Variants in CALD1 observed in about 807,000 individuals in gnomAD.
CALD1 encodes the protein caldesmon.
In CALD1, 33 loss-of-function variants were observed where a neutral mutation model predicts 99.9. The observed-to-expected ratio is 0.33, with a 90% CI of 0.25 to 0.44. CALD1 has a LOEUF of 0.44. Among genes scored for constraint, CALD1 ranks in the 20% least tolerant of loss-of-function variants. The probability of loss-of-function intolerance (pLI) is 1.00; values close to 1 mark genes in which losing one functional copy is unlikely to be tolerated. For missense variants in CALD1, 861 were observed against 962.1 expected (o/e 0.89, Z 1.39); for synonymous variants, 310 against 325.0 (o/e 0.95, Z 0.50).
At chr7:134,818,016 T>G (rs911129886) in intron 1 of CALD1, among the ~76,000 whole-genome samples, 2 of 152,220 alleles carry the variant, frequency 1.3e-5, no homozygotes, top group Admixed American at 1.3e-4. Context: ...TCTTTTTCTT[T>G]ATTTCTTGGT....
the CALD1 span, among the ~76,000 whole-genome samples, chr7:134,729,224 G>A: frequency 6.6e-6 from 1 of 152,150 alleles, no homozygotes; most frequent in Non-Finnish European, 1.5e-5. Flanking sequence ...GCACTACAGA[G>A]TGCTTCCTGC....
At chr7:134,757,993 A>G (rs1796744153) in intron 1 of CALD1, among the ~76,000 whole-genome samples, 1 of 152,220 alleles carries the variant, frequency 6.6e-6, no homozygotes, top group African/African-American at 2.4e-5. Flanking sequence ...CATCTATTTG[A>G]TGACAATGCA....
At chr7:134,893,401 A>T (rs1373638456) in intron 3 of CALD1, among the ~76,000 whole-genome samples, 1 of 152,210 alleles carries the variant, frequency 6.6e-6, no homozygotes, top group Non-Finnish European at 1.5e-5. Context: ...AATGTTAAAA[A>T]CATTGTGGGG....
At chr7:134,755,434 G>T (rs1310335374) in intron 1 of CALD1, among the ~76,000 whole-genome samples, 1 of 152,082 alleles carries the variant, frequency 6.6e-6, no homozygotes, top group Non-Finnish European at 1.5e-5. Context: ...AAGTAAGATT[G>T]AACATTTTTG....
rs1449685102 is a variant in CALD1, at chr7:134,928,612, A to T, written c.72-142A>T. 5 of 650,974 alleles carry T rather than the reference A, an allele frequency of 7.7e-6. No homozygotes were observed. In the Admixed American group the frequency reaches 1.8e-4, roughly 23 times the overall value. 40.3% of individuals were successfully genotyped at this position (650,974 alleles called of 1,614,324 possible). On this transcript the variant is annotated intron_variant, in intron 3 of 14. Transcript: ENST00000361675. Reference sequence around the variant, plus strand: ...CTAGCTGACTAGGTCGCTAAACTTAAGGAACTGAACCATCCTTTTAGACGT... The same window carrying T: ...CTAGCTGACTAGGTCGCTAAACTTATGGAACTGAACCATCCTTTTAGACGT...
At chr7:134,723,534 C>CTTTT in the CALD1 span, among the ~76,000 whole-genome samples, 5 of 87,670 alleles carry the variant, frequency 5.7e-5, no homozygotes, top group Non-Finnish European at 1.0e-4. Context: ...GAAAAGGTAA[C>CTTTT]TTTTTTTTTT....
chr7:134,711,764 A>G, the CALD1 span, among the ~76,000 whole-genome samples: 21 of 147,986 alleles, frequency 1.4e-4, no homozygotes, highest in African/African-American at 5.3e-4. Context: ...CTCCATATAT[A>G]TCCTATTGGT....
chr7:134,830,556 C>A (rs1295184121), intron 1 of CALD1, among the ~76,000 whole-genome samples: 1 of 151,912 alleles, frequency 6.6e-6, no homozygotes, highest in Non-Finnish European at 1.5e-5. Context: ...ATCCTCTCTC[C>A]CCTCCCACCC....
intron 3 of CALD1, chr7:134,891,707 TTTC>T: frequency 2.2e-6 from 3 of 1,341,032 alleles, no homozygotes; most frequent in Non-Finnish European, 2.0e-6. Flanking sequence ...GGTTTTTTCC[TTTC>T]TTTTTTTTTT....
Position 134,831,933 on chromosome 7 carries a change from G to A in CALD1, c.-129-11951G>A, listed in dbSNP as rs28651116. On this transcript the variant is annotated intron_variant, in intron 1 of 14. Coordinates refer to ENST00000361675, the MANE Select transcript of CALD1 (RefSeq NM_033138.4). ...GCTTTAGAACAGGAAAGAAAGGCGC[G>A]CTTGGAAGACATCCAAGCAGGCACG... Among the ~76,000 whole-genome samples, 270 of 152,296 alleles carry A rather than the reference G, an allele frequency of 1.8e-3. 2 individuals are homozygous for A. Among genetic ancestry groups the A allele is most frequent in the African/African-American group, 5.9e-3 (247 of 41,546 alleles).
chr7:134,811,658 T>C (rs113318914), intron 1 of CALD1, among the ~76,000 whole-genome samples: 41 of 152,322 alleles, frequency 2.7e-4, no homozygotes, highest in African/African-American at 9.6e-4. Flanking sequence ...TAAACAAAAC[T>C]ATTTACAAGC....
At chr7:134,963,860 C>A (rs919847334) in intron 13 of CALD1, among the ~76,000 whole-genome samples, 1 of 152,170 alleles carries the variant, frequency 6.6e-6, no homozygotes, top group Non-Finnish European at 1.5e-5. Flanking sequence ...ACTTGCCCCT[C>A]GGGAGACACA....
intron 2 of CALD1, among the ~76,000 whole-genome samples, chr7:134,846,324 T>G (rs1210577978): frequency 6.6e-6 from 1 of 152,184 alleles, no homozygotes; most frequent in Non-Finnish European, 1.5e-5. Context: ...CCCTGCTGAT[T>G]GTCCCACTCC....
intron 1 of CALD1, among the ~76,000 whole-genome samples, chr7:134,824,080 G>T (rs749810470): frequency 6.6e-6 from 1 of 152,126 alleles, no homozygotes; most frequent in Non-Finnish European, 1.5e-5. Flanking sequence ...TGAGATTTTT[G>T]ATTCATATGC....
At chr7:134,956,925 A>G (rs1345004639) in intron 9 of CALD1, among the ~76,000 whole-genome samples, 1 of 152,170 alleles carries the variant, frequency 6.6e-6, no homozygotes, top group African/African-American at 2.4e-5. Context: ...ATCTAAATTT[A>G]AGTGTTACAG....
chr7:134,966,754 C>A (rs898995041), intron 14 of CALD1, among the ~76,000 whole-genome samples: 1 of 151,980 alleles, frequency 6.6e-6, no homozygotes, highest in African/African-American at 2.4e-5. Flanking sequence ...AATTTTCTCT[C>A]GGTGGCAGGG....
At chr7:134,840,863 G>A (rs552038972) in intron 1 of CALD1, among the ~76,000 whole-genome samples, 2 of 151,968 alleles carry the variant, frequency 1.3e-5, no homozygotes, top group South Asian at 4.1e-4. Flanking sequence ...CAAATACCTC[G>A]CAAATAGTAG....
chr7:134,891,008 C>T (rs1282222962), intron 3 of CALD1, among the ~76,000 whole-genome samples: 1 of 152,240 alleles, frequency 6.6e-6, no homozygotes, highest in Non-Finnish European at 1.5e-5. Flanking sequence ...AAGCCACCTA[C>T]ACCAATGCTA....
Position 134,933,582 on chromosome 7 carries a change from G to A in CALD1, c.813G>A (p.Arg271=). Residue 271 remains arginine (R), a synonymous_variant, in exon 5 of 15, where the codon AGG becomes AGA. Transcript: ENST00000361675. ...AAAGAGCTGAGGCAGAGAGGGCAAGGTTGGAAGCAGAAGAAAGAGAAAGAA... is the reference window on the plus strand; with the variant it reads ...AAAGAGCTGAGGCAGAGAGGGCAAGATTGGAAGCAGAAGAAAGAGAAAGAA... ...DKERAEAERA[R]LEAEERERIK... 6.2e-7 allele frequency: 1 copy of A among 1,613,444 alleles called. No homozygotes were observed. Among genetic ancestry groups the A allele is most frequent in the Non-Finnish European group, 8.5e-7 (1 of 1,179,742 alleles).
Sources: allele counts gnomAD v4.1 joint callset (sites outside exome capture counted in the v4.1 genomes callset), GRCh38; gene constraint gnomAD v4.1.1; transcripts MANE v1.5; gene names NCBI Gene and HGNC (gene_info 2026-07-23, HGNC 2026-07-21).